The following ANKRD40 variants were observed in gnomAD, a reference collection of about 807,000 sequenced individuals.
ANKRD40 encodes the protein ankyrin repeat domain 40, also known as ankyrin repeat domain-containing protein 40.
Under a neutral mutation model 35.5 loss-of-function variants are expected in ANKRD40, and 24 were observed. The observed-to-expected ratio is 0.68, with a 90% confidence interval of 0.49 to 0.95. The LOEUF is 0.95. Among genes scored for constraint, ANKRD40 ranks in the 40% least tolerant of loss-of-function variants. The pLI is 0.00. For missense variants in ANKRD40, 361 were observed against 436.0 expected (o/e 0.83, Z 1.53); for synonymous variants, 147 against 173.5 (o/e 0.85, Z 1.20).
At chr17:50,700,138 A>G (rs767987488) in intron 2 of ANKRD40, 4 of 384,582 alleles carry the variant, frequency 1.0e-5, no homozygotes, top group South Asian at 8.9e-5. Context: ...TGGCACAGTA[A>G]TTTGCTTTTA....
intron 1 of ANKRD40, among the ~76,000 whole-genome samples, chr17:50,704,990 T>G (rs1203793179): frequency 2.0e-5 from 3 of 151,934 alleles, no homozygotes; most frequent in Non-Finnish European, 4.4e-5. Context: ...GGCGGGCACC[T>G]GTAGTCCCAG....
At chr17:50,706,110 C>G (rs1968334098) in intron 1 of ANKRD40, among the ~76,000 whole-genome samples, 1 of 150,054 alleles carries the variant, frequency 6.7e-6, no homozygotes, top group Admixed American at 6.6e-5. Flanking sequence ...CTTAAAAAAA[C>G]AAAATGTAAA....
At chr17:50,700,943 AG>A (rs1217286943) in intron 1 of ANKRD40, 2 of 424,736 alleles carry the variant, frequency 4.7e-6, no homozygotes, top group East Asian at 4.0e-5. Context: ...AACTTAACCT[AG>A]GAGTTTTAAT....
rs60793271 is a variant in ANKRD40, at chr17:50,706,125, CTT to C, written c.134+1394_134+1395del. Among the ~76,000 whole-genome samples the C allele has an allele frequency of 5.6e-4, 79 of 142,246 alleles. 1 individual carries two copies. Among genetic ancestry groups the C allele is most frequent in the African/African-American group, 1.2e-3 (46 of 39,022 alleles). 93.3% of individuals were successfully genotyped at this position (142,246 alleles called of 152,430 possible). ...CTTAAAAAAACAAAATGTAAACTCA[CTT>C]TTTTTTTTTTTTGAGGTAGAGTCTT... On this transcript the variant is annotated intron_variant, in intron 1 of 4. Coordinates refer to ENST00000285243, the MANE Select transcript of ANKRD40 (RefSeq NM_052855.4).
At chr17:50,698,985 C>CAAAAAAAA (rs5820829) in intron 3 of ANKRD40, among the ~76,000 whole-genome samples, 353 of 69,566 alleles carry the variant, frequency 5.1e-3, no homozygotes, top group Non-Finnish European at 6.6e-3. Flanking sequence ...ACTAAAAATA[C>CAAAAAAAA]AAAAAAAAAA....
At chr17:50,704,515 CAAAAAAA>C (rs892783050) in intron 1 of ANKRD40, among the ~76,000 whole-genome samples, 8 of 40,204 alleles carry the variant, frequency 2.0e-4, no homozygotes, top group Non-Finnish European at 3.8e-4. Flanking sequence ...AACTCCATCT[CAAAAAAA>C]AAAAAAAAAA....
In ANKRD40 at chr17:50,696,974, T is replaced by C; in HGVS notation, c.926A>G (p.Lys309Arg). 6.2e-7 allele frequency: 1 copy of C among 1,612,424 alleles called. No individual in the cohort carries two copies. The highest frequency in any genetic ancestry group is 8.5e-7 in the Non-Finnish European group (1 of 1,179,320). The change falls in exon 4 of 5, where the codon AAG (lysine) becomes AGG (arginine). Residue 309 changes from lysine (K) to arginine (R), a missense_variant. Physicochemically the swap from Lys to Arg is conservative, Grantham distance 26. Coordinates refer to ENST00000285243, the MANE Select transcript of ANKRD40 (RefSeq NM_052855.4). The part of the protein sequence containing the change: ...ELGVNPDQVE[K>R]IRKLPNTLLR... ...CAGAGTATTGGGTAACTTTCTGATC[T>C]TCTCCACTTGATCTGGATTAACACC...
At chr17:50,700,748 G>A (rs568923021) in intron 1 of ANKRD40, 32 bp from the exon 2 acceptor site, 24 of 1,579,576 alleles carry the variant, frequency 1.5e-5, no homozygotes, top group Non-Finnish European at 2.0e-5. Context: ...TTGAAAAAGA[G>A]GAGAAGTGAT....
At position 50,695,370 on chromosome 17, in the gene ANKRD40, T is replaced by C. The variant is rs924329861; in HGVS notation, c.*627A>G. 1 of 152,598 alleles carries C rather than the reference T, an allele frequency of 6.6e-6. No individual in the cohort carries two copies. Among genetic ancestry groups the C allele is most frequent in the African/African-American group, 2.4e-5 (1 of 41,434 alleles). 9.5% of individuals were successfully genotyped at this position (152,598 alleles called of 1,614,324 possible). On this transcript the variant is annotated 3_prime_UTR_variant, in exon 5 of 5. Coordinates refer to ENST00000285243, the MANE Select transcript of ANKRD40 (RefSeq NM_052855.4). ...GAAAAAGTGAGGGAGGGAAAGCTCT[T>C]TTGGTTAACAGCATATTTACAATTA...
Position 50,694,592 on chromosome 17 carries a change from T to G in ANKRD40, c.*1405A>C, listed in dbSNP as rs938583940. 1 of 152,222 alleles carries G rather than the reference T, an allele frequency of 6.6e-6. No homozygotes were observed. The highest frequency in any genetic ancestry group is 2.4e-5 in the African/African-American group (1 of 41,454). 9.4% of individuals were successfully genotyped at this position (152,222 alleles called of 1,614,324 possible). Reference sequence around the variant, plus strand: ...AGTTCTTATTTCTGAAGTTAAGCTGTTTGTTTCAACAAAACAGTGGCTGCT... The same window carrying G: ...AGTTCTTATTTCTGAAGTTAAGCTGGTTGTTTCAACAAAACAGTGGCTGCT... On this transcript the variant is annotated 3_prime_UTR_variant, in exon 5 of 5. Transcript: ENST00000285243.
intron 3 of ANKRD40, among the ~76,000 whole-genome samples, chr17:50,697,480 G>T (rs1283702137): frequency 6.6e-6 from 1 of 152,230 alleles, no homozygotes; most frequent in African/African-American, 2.4e-5. Context: ...ATGAACAGGG[G>T]AAGAGGGAAG....
chr17:50,705,485 C>G (rs576926328), intron 1 of ANKRD40, among the ~76,000 whole-genome samples: 1 of 150,872 alleles, frequency 6.6e-6, no homozygotes, highest in South Asian at 2.1e-4. Flanking sequence ...GGACAGCTGT[C>G]CAGGCTGTTT....
intron 1 of ANKRD40, among the ~76,000 whole-genome samples, chr17:50,704,116 G>T (rs1304998666): frequency 6.6e-6 from 1 of 151,982 alleles, no homozygotes; most frequent in African/African-American, 2.4e-5. Flanking sequence ...GAGAGGCTGA[G>T]GACTCAGAGG....
At chr17:50,699,050 T>C (rs1968233298) in intron 3 of ANKRD40, among the ~76,000 whole-genome samples, 1 of 150,006 alleles carries the variant, frequency 6.7e-6, no homozygotes, top group Admixed American at 6.6e-5. Context: ...TCTCAGCTAC[T>C]TGGGAGGCTG....
chr17:50,695,361 G>C lies in ANKRD40; in HGVS notation c.*636C>G, dbSNP rs1968186657. ...TTTACAAAGGAAAAAGTGAGGGAGG[G>C]AAAGCTCTTTTGGTTAACAGCATAT... On this transcript the variant is annotated 3_prime_UTR_variant, in exon 5 of 5. Transcript: ENST00000285243. 1 of 152,472 alleles carries C rather than the reference G, an allele frequency of 6.6e-6. No individual in the cohort carries two copies. The highest frequency in any genetic ancestry group is 1.5e-5 in the Non-Finnish European group (1 of 68,028). 9.4% of individuals were successfully genotyped at this position (152,472 alleles called of 1,614,324 possible). A position where few individuals can be genotyped will look rare whatever the true frequency, so the allele number is the denominator to read the frequency against.
chr17:50,695,797 G>A lies in ANKRD40; in HGVS notation c.*200C>T, dbSNP rs187840984. 1 of 543,566 alleles carries A rather than the reference G, an allele frequency of 1.8e-6. No individual in the cohort carries two copies. Among genetic ancestry groups the A allele is most frequent in the Admixed American group, 3.3e-5 (1 of 30,420 alleles). The allele number at this position is 543,566 out of a possible 1,614,324, so 33.7% of individuals were successfully genotyped here. On this transcript the variant is annotated 3_prime_UTR_variant, in exon 5 of 5. Coordinates refer to ENST00000285243, the MANE Select transcript of ANKRD40 (RefSeq NM_052855.4). ...CAAAGCTTCAAGCAATAGGTTTACT[G>A]TGCACCAAGAGGCTTGGAAGAGTGG... is the stretch of plus-strand genomic sequence containing the variant.
Position 50,707,774 on chromosome 17 carries a change from C to G in ANKRD40, c.-120G>C. On this transcript the variant is annotated 5_prime_UTR_variant, in exon 1 of 5. Transcript: ENST00000285243. This position sits in a 1 kb window ranked among gnomAD's most constrained non-coding sequence, Gnocchi z 4.8. The stretch of plus-strand genomic sequence containing the variant: ...CATGGGGAGGGAGCGCGGAACTCGC[C>G]CGCCCTGCTCGCGCCGCTGCCCGCG... 1.5e-6 allele frequency: 1 copy of G among 670,838 alleles called. No individual in the cohort carries two copies. The highest frequency in any genetic ancestry group is 1.9e-6 in the Non-Finnish European group (1 of 527,756). 41.6% of individuals were successfully genotyped at this position (670,838 alleles called of 1,614,324 possible).
chr17:50,705,996 GT>G, intron 1 of ANKRD40, among the ~76,000 whole-genome samples: 1 of 151,778 alleles, frequency 6.6e-6, no homozygotes, highest in Admixed American at 6.6e-5. Context: ...GGAAACCATG[GT>G]TCTGGTGCTA....
intron 1 of ANKRD40, among the ~76,000 whole-genome samples, chr17:50,701,859 C>T (rs1191526090): frequency 6.6e-6 from 1 of 152,100 alleles, no homozygotes; most frequent in African/African-American, 2.4e-5. Flanking sequence ...CTGGGCTTAA[C>T]ATTAGTAACT....
Sources: allele counts gnomAD v4.1 joint callset (sites outside exome capture counted in the v4.1 genomes callset), GRCh38; gene constraint gnomAD v4.1.1; non-coding constraint Gnocchi (gnomAD v3.1); transcripts MANE v1.5; gene names NCBI Gene and HGNC (gene_info 2026-07-23, HGNC 2026-07-21).